Variants in INPP5J observed in about 807,000 individuals in gnomAD.
The protein encoded by INPP5J is phosphatidylinositol 4,5-bisphosphate 5-phosphatase A.
A neutral mutation model predicts 86.6 loss-of-function variants in INPP5J; 75 were observed. That is an observed-to-expected ratio of 0.87 (90% CI 0.72 to 1.05). The LOEUF (loss-of-function observed/expected upper bound fraction) is 1.05. Ranked by LOEUF, INPP5J falls within the 50% of genes least tolerant of loss-of-function variation. The pLI, the probability that INPP5J is intolerant of heterozygous loss-of-function variation, is 0.00. For synonymous variants in INPP5J, 540 were observed against 550.0 expected, an observed-to-expected ratio of 0.98 and a Z score of 0.25; for missense variants, 1,229 against 1,341.2, an observed-to-expected ratio of 0.92 and a Z score of 1.31.
At chr22:31,127,258 A>C (rs1602732762) in intron 5 of INPP5J, 99 bp from the exon 6 acceptor site, 2 of 1,157,758 alleles carry the variant, frequency 1.7e-6, no homozygotes, top group Non-Finnish European at 1.2e-6. Context: ...TGTAGGACCC[A>C]CCCACCTTCC....
Position 31,128,070 on chromosome 22 carries a change from C to A in INPP5J, c.1899+8C>A. ...CTCTGGGAGAAGGACCAGGTGGGGT[C>A]CTTGTCCCCAGAAGCACACAGAGCA... On this transcript the variant is annotated splice_region_variant and intron_variant, in intron 7 of 12. Coordinates refer to ENST00000331075, the MANE Select transcript of INPP5J (RefSeq NM_001284285.2). 6.3e-7 allele frequency: 1 copy of A among 1,594,682 alleles called. No individual in the cohort carries two copies. Among genetic ancestry groups the A allele is most frequent in the South Asian group, 1.1e-5 (1 of 90,646 alleles).
At chr22:31,126,828 G>C in intron 4 of INPP5J, 93 bp from the exon 5 acceptor site, 3 of 1,406,942 alleles carry the variant, frequency 2.1e-6, no homozygotes, top group Middle Eastern at 1.8e-4. Context: ...GGCTGGGTCC[G>C]TGACATGGGT....
chr22:31,133,776 C>A (rs1305596134), intron 12 of INPP5J, 62 bp downstream of exon 12: 2 of 1,566,270 alleles, frequency 1.3e-6, no homozygotes, highest in African/African-American at 1.4e-5. Flanking sequence ...GCCACAGCCT[C>A]TACATTCTGC....
Position 31,128,619 on chromosome 22 carries a change from G to A in INPP5J, c.2158G>A (p.Asp720Asn), listed in dbSNP as rs199679257. Residue 720 changes from aspartate to asparagine, a missense_variant, in exon 9 of 13, where the codon GAC becomes AAC. Transcript: ENST00000331075. The stretch of plus-strand genomic sequence containing the variant: ...CAGCCACATGGAATACACAGTCAGC[G>A]ACCACAAGCCTGTGGCTGCCCAGTT... ...YRSHMEYTVSDHKPVAAQFLL... is the reference protein window; with the variant it reads ...YRSHMEYTVSNHKPVAAQFLL... The A allele has an allele frequency of 6.2e-6, 10 of 1,605,258 alleles. No individual in the cohort carries two copies. Among genetic ancestry groups the A allele is most frequent in the Middle Eastern group, 1.7e-4 (1 of 6,036 alleles).
intron 4 of INPP5J, 34 bp from the exon 5 acceptor site, chr22:31,126,887 T>G (rs1921520091): frequency 6.6e-7 from 1 of 1,525,954 alleles, no homozygotes; most frequent in Non-Finnish European, 9.0e-7. Flanking sequence ...GGGAGTTGTG[T>G]TCTGTCCCCC....
rs753205592 is a variant in INPP5J at position 31,127,983 on chromosome 22, G to C, written c.1820G>C (p.Arg607Pro). Residue 607 changes from arginine to proline, a missense_variant, in exon 7 of 13, where the codon CGC becomes CCC. Transcript: ENST00000331075. Reference sequence around the variant, plus strand: ...TTCTGGTTCGGGGACCTGAACTTCCGCATTGAGAGCTATGACCTGCACTTT... The same window carrying C: ...TTCTGGTTCGGGGACCTGAACTTCCCCATTGAGAGCTATGACCTGCACTTT... ...LVFWFGDLNF[R>P]IESYDLHFVK... 1 of 1,606,376 alleles carries C rather than the reference G, an allele frequency of 6.2e-7. No individual in the cohort carries two copies.
chr22:31,123,012 G>C lies in INPP5J; in HGVS notation c.-3G>C. 1.4e-6 allele frequency: 2 copies of C among 1,445,618 alleles called. No homozygotes were observed. The highest frequency in any genetic ancestry group is 1.8e-6 in the Non-Finnish European group (2 of 1,100,212). The allele number at this position is 1,445,618 out of a possible 1,614,324, so 89.5% of individuals were successfully genotyped here. A position where few individuals can be genotyped will look rare whatever the true frequency, so the allele number is the denominator to read the frequency against. On this transcript the variant is annotated 5_prime_UTR_variant, in exon 1 of 13. Transcript: ENST00000331075. Reference sequence around the variant, plus strand: ...GGAGTCCAGGCTGCCGGGGGCTGCAGACATGGAGGGCCAGAGCAGCAGGGG... The same window carrying C: ...GGAGTCCAGGCTGCCGGGGGCTGCACACATGGAGGGCCAGAGCAGCAGGGG...
intron 4 of INPP5J, 80 bp downstream of exon 4, chr22:31,126,801 G>A: frequency 1.4e-6 from 2 of 1,446,950 alleles, no homozygotes; most frequent in Non-Finnish European, 1.9e-6. Flanking sequence ...TCACTGTGGG[G>A]CCCGCTGGGC....
rs750563255 is a variant in INPP5J, at chr22:31,133,924, T to C, written c.2526T>C (p.Pro842=). The C allele has an allele frequency of 1.9e-6, 3 of 1,610,962 alleles. No homozygotes were observed. In the Admixed American group the frequency reaches 5.0e-5, roughly 27 times the overall value. Residue 842 remains proline, a synonymous_variant, in exon 13 of 13, where the codon CCT becomes CCC. Coordinates refer to ENST00000331075, the MANE Select transcript of INPP5J (RefSeq NM_001284285.2). ...GITEPFQISL[P]SSELASSSTD... ...AGCATTTCCCCCAGATCTCGCTGCC[T>C]TCCTCGGAGTTGGCCAGCAGCAGCA... is the stretch of plus-strand genomic sequence containing the variant.
intron 2 of INPP5J, 121 bp downstream of exon 2, chr22:31,126,131 G>A (rs1921394939): frequency 9.4e-7 from 1 of 1,058,972 alleles, no homozygotes; most frequent in Non-Finnish European, 1.3e-6. Context: ...TTTGGGGAGG[G>A]GGTTGCTGGG....
In INPP5J at chr22:31,133,638, A is replaced by C. The variant is rs1922297469; in HGVS notation, c.2438A>C (p.Lys813Thr). 6.2e-7 allele frequency: 1 copy of C among 1,612,604 alleles called. No individual in the cohort carries two copies. Among genetic ancestry groups the C allele is most frequent in the East Asian group, 2.2e-5 (1 of 44,850 alleles). Residue 813 changes from lysine to threonine, a missense_variant, in exon 12 of 13, where the codon AAG becomes ACG. Lys to Thr is a moderately conservative substitution (Grantham distance 78, BLOSUM62 -1). Transcript: ENST00000331075. ...QVTFSEESLP[K>T]GHGDFILGYY... ...ACATTCAGTGAGGAATCACTGCCCA[A>C]GGGCCATGGAGACTTCATCCTGGGC...
In INPP5J at chr22:31,126,950, C is replaced by T. The variant is rs1318599268; in HGVS notation, c.1524C>T (p.Ile508=). The T allele has an allele frequency of 1.2e-6, 2 of 1,610,472 alleles. No individual in the cohort carries two copies. Among genetic ancestry groups the T allele is most frequent in the East Asian group, 2.2e-5 (1 of 44,704 alleles). Residue 508 remains isoleucine (I), a synonymous_variant, in exon 5 of 13, where the codon ATC becomes ATT. Coordinates refer to ENST00000331075, the MANE Select transcript of INPP5J (RefSeq NM_001284285.2). ...LVSSVRMQGV[I]LLLFAKYYHL... is the part of the protein sequence containing the mutation. ...GTTCGGTGAGGATGCAGGGTGTCAT[C>T]CTGCTGCTGTTCGCCAAGTACTACC... is the stretch of plus-strand genomic sequence containing the variant.
intron 12 of INPP5J, 86 bp downstream of exon 12, chr22:31,133,800 A>T: frequency 6.3e-7 from 1 of 1,580,002 alleles, no homozygotes; most frequent in Non-Finnish European, 8.7e-7. Flanking sequence ...TTGAGTTCAG[A>T]CAAATAACCT....
chr22:31,125,793 C>T lies in INPP5J; in HGVS notation c.1054C>T (p.Pro352Ser), dbSNP rs1921333341. The T allele has an allele frequency of 6.4e-7, 1 of 1,573,948 alleles. No homozygotes were observed. The highest frequency in any genetic ancestry group is 1.4e-5 in the African/African-American group (1 of 73,694). ...GCCACCCCGATCACCCAGCCGTTCC[C>T]CAAGCCACTCCCCGAATCGCTCTCC... is the stretch of plus-strand genomic sequence containing the variant. ...PKPPRSPSRS[P>S]SHSPNRSPCV... The change falls in exon 2 of 13, where the codon CCA (proline) becomes TCA (serine). Residue 352 changes from proline to serine, a missense_variant. Transcript: ENST00000331075.
intron 5 of INPP5J, 46 bp downstream of exon 5, chr22:31,127,083 C>T: frequency 7.6e-7 from 1 of 1,318,402 alleles, no homozygotes; most frequent in Non-Finnish European, 1.1e-6. Flanking sequence ...ATGAAGGGGG[C>T]TTTAGATTAG....
At chr22:31,122,881 T>C, upstream of INPP5J, 1 of 609,116 alleles carries the variant, frequency 1.6e-6, no homozygotes, top group Non-Finnish European at 2.6e-6. Flanking sequence ...CTTCGGCCTC[T>C]TCCAGGCTGG....
rs1921010120 is a variant in INPP5J at position 31,123,084 on chromosome 22, CCCCAGGGTGTTG to C, written c.75_86del (p.Gly26_Gln29del). 6.7e-7 allele frequency: 1 copy of C among 1,485,832 alleles called. No homozygotes were observed. The highest frequency in any genetic ancestry group is 1.3e-5 in the South Asian group (1 of 75,472). 92.0% of individuals were successfully genotyped at this position (1,485,832 alleles called of 1,614,324 possible). On this transcript the variant is annotated inframe_deletion, in exon 1 of 13. Transcript: ENST00000331075. ...GGCTGGCCTGGGTTCCCTGCCCATGCCCCAGGGTGTTGCCCAAACTGGGGCACCCTCCAAGGT... is the reference window on the plus strand; with the variant it reads ...GGCTGGCCTGGGTTCCCTGCCCATGCCCCAAACTGGGGCACCCTCCAAGGT...
In INPP5J at chr22:31,126,018, G is replaced by A. The variant is rs747614406; in HGVS notation, c.1271+8G>A. On this transcript the variant is annotated splice_region_variant and intron_variant, in intron 2 of 12. Transcript: ENST00000331075. ...GAGCGACCCCGGCTTCCGGTGAGGGGGCCCTCTCCCAAGAAAGGTGGCTGG... is the reference window on the plus strand; with the variant it reads ...GAGCGACCCCGGCTTCCGGTGAGGGAGCCCTCTCCCAAGAAAGGTGGCTGG... The A allele has an allele frequency of 1.2e-5, 18 of 1,550,428 alleles. No homozygotes were observed. The highest frequency in any genetic ancestry group is 7.0e-6 in the Non-Finnish European group (8 of 1,148,570).
In INPP5J at chr22:31,125,354, G is replaced by A; in HGVS notation, c.615G>A (p.Val205=). ...AACTCCCCTCCACCCCTTCCCCGGT[G>A]CCCAGTCCAGTTCTGTCTCCAACTC... ...PPELPSTPSP[V]PSPVLSPTQE... Residue 205 remains valine (V), a synonymous_variant, in exon 2 of 13, where the codon GTG becomes GTA. Coordinates refer to ENST00000331075, the MANE Select transcript of INPP5J (RefSeq NM_001284285.2). The A allele has an allele frequency of 5.2e-6, 8 of 1,550,470 alleles. No homozygotes were observed. The highest frequency in any genetic ancestry group is 2.4e-5 in the East Asian group (1 of 40,896).
Sources: allele counts gnomAD v4.1 joint callset, GRCh38; gene constraint gnomAD v4.1.1; transcripts MANE v1.5; gene names NCBI Gene and HGNC (gene_info 2026-07-23, HGNC 2026-07-21).